Variants in ZNF503 observed in about 807,000 individuals in gnomAD.
ZNF503 encodes NocA-like zinc finger 2.
ZNF503 carries 15 observed loss-of-function variants against 34.4 expected under a neutral mutation model. That is an observed-to-expected ratio of 0.44 (90% CI 0.29 to 0.67). The LOEUF (loss-of-function observed/expected upper bound fraction) is 0.67, where lower values mean the gene tolerates loss of function less well. ZNF503 is among the 30% of genes least tolerant of loss of function. The probability of loss-of-function intolerance (pLI) is 0.13; values close to 1 mark genes in which losing one functional copy is unlikely to be tolerated. For synonymous variants in ZNF503, 580 were observed against 456.8 expected (o/e 1.27, Z -3.44); for missense variants, 1,007 against 926.8 (o/e 1.09, Z -1.12).
At chr10:75,351,583 G>C in the ZNF503 span, among the ~76,000 whole-genome samples, 1 of 152,092 alleles carries the variant, frequency 6.6e-6, no homozygotes, top group Non-Finnish European at 1.5e-5. Context: ...TTCAGAAGTG[G>C]GACTCTCCCC....
rs1377339153 is a variant in ZNF503, at chr10:75,399,436, C to A, written c.1254G>T (p.Pro418=). 1 of 1,595,898 alleles carries A rather than the reference C, an allele frequency of 6.3e-7. No homozygotes were observed. The highest frequency in any genetic ancestry group is 1.7e-5 in the Admixed American group (1 of 59,202). The part of the protein sequence containing the change: ...AGSSPLAGAS[P]PSVMTASLCR... ...ACAAACTGGCTGTCATCACGGACGG[C>A]GGAGACGCTCCGGCCAAAGGGCTGG... Residue 418 remains proline, a synonymous_variant, in exon 2 of 2, where the codon CCG becomes CCT. Transcript: ENST00000372524.
the ZNF503 span, among the ~76,000 whole-genome samples, chr10:75,375,366 C>A: frequency 5.3e-4 from 80 of 152,208 alleles, no homozygotes; most frequent in Non-Finnish European, 1.0e-3. Flanking sequence ...CGTGATCTGC[C>A]TGTCTCAGCC....
the ZNF503 span, among the ~76,000 whole-genome samples, chr10:75,390,218 G>A: frequency 6.6e-6 from 1 of 152,040 alleles, no homozygotes. Context: ...GGAAGCAGGA[G>A]GCAGGTAGGT....
At chr10:75,326,613 T>C in the ZNF503 span, among the ~76,000 whole-genome samples, 2 of 151,650 alleles carry the variant, frequency 1.3e-5, no homozygotes, top group Admixed American at 6.6e-5. Context: ...CAATCTTCCT[T>C]TTTTTTTGTT....
chr10:75,308,998 C>A, the ZNF503 span, among the ~76,000 whole-genome samples: 12 of 152,220 alleles, frequency 7.9e-5, no homozygotes, highest in African/African-American at 2.9e-4. Flanking sequence ...CATGCCACCA[C>A]ACCTGGCTAA....
the ZNF503 span, among the ~76,000 whole-genome samples, chr10:75,374,315 AAAAC>A: frequency 6.6e-5 from 10 of 152,118 alleles, no homozygotes; most frequent in South Asian, 2.1e-4. Flanking sequence ...CAACAACAAA[AAAAC>A]AAACAAACAA....
the ZNF503 span, among the ~76,000 whole-genome samples, chr10:75,366,435 C>G: frequency 1.1e-4 from 16 of 152,182 alleles, no homozygotes; most frequent in African/African-American, 3.6e-4. Context: ...AATGGTGTGG[C>G]AGGATGGTGA....
the ZNF503 span, among the ~76,000 whole-genome samples, chr10:75,344,235 G>A: frequency 6.6e-6 from 1 of 152,242 alleles, no homozygotes; most frequent in Admixed American, 6.5e-5. Context: ...GGGTGGCTGG[G>A]AAGGGGCCCT....
At chr10:75,328,195 C>T in the ZNF503 span, among the ~76,000 whole-genome samples, 1 of 152,022 alleles carries the variant, frequency 6.6e-6, no homozygotes, top group African/African-American at 2.4e-5. Flanking sequence ...GGAAGCATTT[C>T]CTTTATGTTT....
At chr10:75,377,809 C>T in the ZNF503 span, among the ~76,000 whole-genome samples, 1 of 152,104 alleles carries the variant, frequency 6.6e-6, no homozygotes, top group Non-Finnish European at 1.5e-5. Flanking sequence ...TCTTGCATTG[C>T]TATAAAGAAA....
At chr10:75,380,123 C>A in the ZNF503 span, among the ~76,000 whole-genome samples, 9 of 152,164 alleles carry the variant, frequency 5.9e-5, no homozygotes, top group Non-Finnish European at 1.2e-4. Flanking sequence ...CCCTTCAGTG[C>A]ATGAGGGAGA....
chr10:75,341,264 T>C, the ZNF503 span, among the ~76,000 whole-genome samples: 2 of 152,244 alleles, frequency 1.3e-5, no homozygotes, highest in African/African-American at 4.8e-5. Flanking sequence ...GATATTTTAA[T>C]AGAATAGAAA....
At chr10:75,358,296 C>T in the ZNF503 span, 1 of 152,116 alleles carries the variant, frequency 6.6e-6, no homozygotes, top group Non-Finnish European at 1.5e-5. Context: ...CTTGCCCGGC[C>T]TCCTCCTCAC....
chr10:75,335,282 CATT>C, the ZNF503 span, among the ~76,000 whole-genome samples: 2 of 152,184 alleles, frequency 1.3e-5, no homozygotes, highest in Non-Finnish European at 2.9e-5. Context: ...CGTTTGCTAT[CATT>C]ATTTTTATTT....
At chr10:75,280,081 T>G in the ZNF503 span, 1 of 152,156 alleles carries the variant, frequency 6.6e-6, no homozygotes, top group African/African-American at 2.4e-5. Flanking sequence ...ATTCAAGGCC[T>G]CCTTTGTCAA....
At position 75,400,165 on chromosome 10, in the gene ZNF503, G is replaced by T. The variant is rs1189557437; in HGVS notation, c.525C>A (p.Phe175Leu). 1 of 1,566,360 alleles carries T rather than the reference G, an allele frequency of 6.4e-7. No homozygotes were observed. ...SDIGVEDKSS[F>L]KPYSKPGSDK... ...CCGAGCCGGGTTTGGAGTACGGCTT[G>T]AAACTCGACTTGTCCTCCACGCCGA... The change falls in exon 2 of 2, where the codon TTC becomes TTA. Residue 175 changes from phenylalanine to leucine, a missense_variant. Coordinates refer to ENST00000372524, the MANE Select transcript of ZNF503 (RefSeq NM_032772.6).
rs1843829917 is a variant in ZNF503, at chr10:75,401,712, G to C, written c.-293C>G. ...CCCTGCGCTGCGTTCTCGCGGCCCC[G>C]CGCCGGCGCTGCGCTCTGCGATGCG... On this transcript the variant is annotated 5_prime_UTR_variant, in exon 1 of 2. Coordinates refer to ENST00000372524, the MANE Select transcript of ZNF503 (RefSeq NM_032772.6). The C allele has an allele frequency of 4.9e-6, 2 of 408,034 alleles. No homozygotes were observed. The highest frequency in any genetic ancestry group is 9.2e-5 in the East Asian group (2 of 21,750). The allele number at this position is 408,034 out of a possible 1,614,324, so 25.3% of individuals were successfully genotyped here.
At chr10:75,333,161 A>T in the ZNF503 span, among the ~76,000 whole-genome samples, 1 of 124,962 alleles carries the variant, frequency 8.0e-6, no homozygotes, top group Non-Finnish European at 1.7e-5. Flanking sequence ...GGGGCTCCTC[A>T]CTTCCCAGTA....
chr10:75,326,281 G>A, the ZNF503 span, among the ~76,000 whole-genome samples: 1 of 151,974 alleles, frequency 6.6e-6, no homozygotes, highest in Non-Finnish European at 1.5e-5. Context: ...ATATCATTTC[G>A]GTTTTACAGA....
Sources: gnomAD v4.1 joint callset for allele counts (sites outside exome capture counted in the v4.1 genomes callset) on GRCh38, gnomAD v4.1.1 for gene constraint, MANE v1.5 for transcripts, NCBI Gene and HGNC (gene_info 2026-07-23, HGNC 2026-07-21) for gene names.